Variants in MMP3 observed in about 807,000 individuals in gnomAD.
The protein encoded by MMP3 is matrix metallopeptidase 3, also known as stromelysin-1.
MMP3 carries 46 observed loss-of-function variants against 47.3 expected under a neutral mutation model. The observed-to-expected ratio is 0.97, with a 90% CI of 0.77 to 1.24. The LOEUF (loss-of-function observed/expected upper bound fraction) is 1.24, where lower values mean the gene tolerates loss of function less well. Among genes scored for constraint, MMP3 ranks in the 50% most tolerant of loss-of-function variants. MMP3 has a pLI of 0.00. For missense variants in MMP3, 558 were observed against 565.5 expected (o/e 0.99, Z 0.13); for synonymous variants, 216 against 206.5 (o/e 1.05, Z -0.39).
chr11:102,839,291 C>T, intron 6 of MMP3, 48 bp from the exon 7 acceptor site: 3 of 1,608,508 alleles, frequency 1.9e-6, no homozygotes, highest in Non-Finnish European at 2.6e-6. Context: ...AATCTTTCAC[C>T]TTTAGAATAT....
rs782382218 is a variant in MMP3 at position 102,839,229 on chromosome 11, T to C, written c.950A>G (p.Lys317Arg). 1.9e-6 allele frequency: 3 copies of C among 1,613,868 alleles called. No individual in the cohort carries two copies. The South Asian group carries it at 3.3e-5, about 18-fold the overall frequency. The change falls in exon 7 of 10, where the codon AAA becomes AGA. Residue 317 changes from lysine (K) to arginine (R), a missense_variant. Transcript: ENST00000299855. ...LIFKDRHFWR[K>R]SLRKLEPELH... ...TTCAGGTTCAAGCTTCCTGAGGGAT[T>C]TGCGCCAAAAGTGCCTAAAATATAT...
chr11:102,842,547 T>A lies in MMP3; in HGVS notation c.383A>T (p.Asp128Val). 6.2e-7 allele frequency: 1 copy of A among 1,613,374 alleles called. No homozygotes were observed. The highest frequency in any genetic ancestry group is 8.5e-7 in the Non-Finnish European group (1 of 1,179,784). ...IVNYTPDLPK[D>V]AVDSAVEKAL... ...TTTCTCAACAGCAGAATCAACAGCA[T>A]CTTTTGGCAAATCTGGTGTATAATT... The change falls in exon 3 of 10, where the codon GAT (aspartate) becomes GTT (valine). Residue 128 changes from aspartate to valine, a missense_variant. By Grantham distance (152) the Asp-to-Val change is radical. Coordinates refer to ENST00000299855, the MANE Select transcript of MMP3 (RefSeq NM_002422.5).
chr11:102,842,911 A>G lies in MMP3; in HGVS notation c.111T>C (p.Tyr37=), dbSNP rs782533626. 7 of 1,601,726 alleles carry G rather than the reference A, an allele frequency of 4.4e-6. No homozygotes were observed. The African/African-American group carries it at 5.4e-5, about 12-fold the overall frequency. The change falls in exon 2 of 10, where the codon TAT becomes TAC. Residue 37 remains tyrosine (Y), a synonymous_variant. Transcript: ENST00000299855. Reference sequence around the variant, plus strand: ...TTTTGAGGTCGTAGTAGTTTTCTAGATATTTCTAACAGAATAAGTATAGTT... The same window carrying G: ...TTTTGAGGTCGTAGTAGTTTTCTAGGTATTTCTAACAGAATAAGTATAGTT... The part of the protein sequence containing the change: ...EDTSMNLVQK[Y]LENYYDLKKD...
chr11:102,842,594 T>C lies in MMP3; in HGVS notation c.351-15A>G. 1 of 1,613,584 alleles carries C rather than the reference T, an allele frequency of 6.2e-7. No individual in the cohort carries two copies. Among genetic ancestry groups the C allele is most frequent in the African/African-American group, 1.3e-5 (1 of 74,978 alleles). ...AATTCACAATCCTGTAGGAGAAAAA[T>C]TGAAGCAGATGCTATTTTCTCCTAT... On this transcript the variant is annotated splice_polypyrimidine_tract_variant and intron_variant, in intron 2 of 9. Transcript: ENST00000299855.
chr11:102,837,544 A>T lies in MMP3; in HGVS notation c.1230-143T>A. ...GCCAAGCATATTTGGGACTATAGAA[A>T]TATGTGACTTTAATGGTACTGTAAA... On this transcript the variant is annotated intron_variant, in intron 8 of 9. Transcript: ENST00000299855. This position sits in a 1 kb window ranked among gnomAD's most constrained non-coding sequence, Gnocchi z 4.4. 5 of 643,310 alleles carry T rather than the reference A, an allele frequency of 7.8e-6. No homozygotes were observed. The South Asian group carries it at 8.1e-5, about 10-fold the overall frequency. 39.9% of individuals were successfully genotyped at this position (643,310 alleles called of 1,614,324 possible). A position where few individuals can be genotyped will look rare whatever the true frequency, so the allele number is the denominator to read the frequency against.
Position 102,836,264 on chromosome 11 carries a change from C to G in MMP3, c.1334-38G>C, listed in dbSNP as rs1555004534. 2.0e-6 allele frequency: 3 copies of G among 1,490,122 alleles called. No individual in the cohort carries two copies. In the South Asian group the frequency reaches 3.5e-5, roughly 17 times the overall value. The allele number at this position is 1,490,122 out of a possible 1,614,324, so 92.3% of individuals were successfully genotyped here. A position where few individuals can be genotyped will look rare whatever the true frequency, so the allele number is the denominator to read the frequency against. Reference sequence around the variant, plus strand: ...ACAAGGGAAATAGTAAGATATTTTTCCAAATAAAGACATTTGACAATATAC... The same window carrying G: ...ACAAGGGAAATAGTAAGATATTTTTGCAAATAAAGACATTTGACAATATAC... On this transcript the variant is annotated intron_variant, in intron 9 of 9. Transcript: ENST00000299855. This position sits in a 1 kb window ranked among gnomAD's most constrained non-coding sequence, Gnocchi z 4.6.
At position 102,842,404 on chromosome 11, in the gene MMP3, C is replaced by CTTTTTTTTTT. The variant is rs11418340; in HGVS notation, c.499+17_499+26dup. 264 of 813,302 alleles carry CTTTTTTTTTT rather than the reference C, an allele frequency of 3.2e-4. 9 individuals carry two copies. The highest frequency in any genetic ancestry group is 1.1e-3 in the South Asian group (39 of 36,128). 50.4% of individuals were successfully genotyped at this position (813,302 alleles called of 1,614,324 possible). A position where few individuals can be genotyped will look rare whatever the true frequency, so the allele number is the denominator to read the frequency against. ...GTGTTTTTTGTTTTGTTTTGTTTTG[C>CTTTTTTTTTT]TTTTTTTTTTTTTTTTTTTTTTTTA... On this transcript the variant is annotated intron_variant, in intron 3 of 9. Transcript: ENST00000299855.
In MMP3 at chr11:102,837,250, T is replaced by A; in HGVS notation, c.1333+48A>T. ...AATGCTCCTCTTCCCTCTGATATCA[T>A]AAAATGTTTCAAGTGCTCTATGGCC... On this transcript the variant is annotated intron_variant, in intron 9 of 9. Coordinates refer to ENST00000299855, the MANE Select transcript of MMP3 (RefSeq NM_002422.5). This position sits in a 1 kb window ranked among gnomAD's most constrained non-coding sequence, Gnocchi z 4.4. 1 of 1,419,876 alleles carries A rather than the reference T, an allele frequency of 7.0e-7. No individual in the cohort carries two copies. The allele number at this position is 1,419,876 out of a possible 1,614,324, so 88.0% of individuals were successfully genotyped here. A position where few individuals can be genotyped will look rare whatever the true frequency, so the allele number is the denominator to read the frequency against.
At chr11:102,839,075 T>C in intron 7 of MMP3, 35 bp downstream of exon 7, 1 of 1,596,416 alleles carries the variant, frequency 6.3e-7, no homozygotes, top group Non-Finnish European at 8.5e-7. Flanking sequence ...AGGGTTTACT[T>C]TGGCAAGTTA....
In MMP3 at chr11:102,842,531, A is replaced by C. The variant is rs1555005706; in HGVS notation, c.399T>G (p.Ala133=). 6.2e-7 allele frequency: 1 copy of C among 1,612,692 alleles called. No individual in the cohort carries two copies. Among genetic ancestry groups the C allele is most frequent in the Admixed American group, 1.7e-5 (1 of 59,810 alleles). ...PDLPKDAVDS[A]VEKALKVWEE... ...CCCAGACTTTCAGAGCTTTCTCAAC[A>C]GCAGAATCAACAGCATCTTTTGGCA... Residue 133 remains alanine, a synonymous_variant, in exon 3 of 10, where the codon GCT becomes GCG. Transcript: ENST00000299855.
chr11:102,838,648 T>A lies in MMP3; in HGVS notation c.1132A>T (p.Thr378Ser). ...CTCACGGTTGGAGGGAAACCTAGGG[T>A]GTGGATGCCTCTTGGGTATCCAGCT... ...VRAGYPRGIHTLGFPPTVRKI... is the reference protein window; with the variant it reads ...VRAGYPRGIHSLGFPPTVRKI... Residue 378 changes from threonine (T) to serine (S), a missense_variant, in exon 8 of 10, where the codon ACC becomes TCC. By Grantham distance (58) the Thr-to-Ser change is moderately conservative. Transcript: ENST00000299855. The A allele has an allele frequency of 6.2e-7, 1 of 1,614,004 alleles. No individual in the cohort carries two copies. Among genetic ancestry groups the A allele is most frequent in the South Asian group, 1.1e-5 (1 of 91,066 alleles).
intron 5 of MMP3, 26 bp from the exon 6 acceptor site, chr11:102,840,278 G>T (rs900625534): frequency 2.5e-6 from 4 of 1,609,122 alleles, no homozygotes; most frequent in Non-Finnish European, 3.4e-6. Flanking sequence ...GGGGAAATGT[G>T]ATACGTTTCA....
chr11:102,838,781 T>G, intron 7 of MMP3, 71 bp from the exon 8 acceptor site: 1 of 1,470,940 alleles, frequency 6.8e-7, no homozygotes, highest in Non-Finnish European at 9.2e-7. Flanking sequence ...AGAAATACAC[T>G]TTAGCATCTT....
intron 7 of MMP3, 67 bp downstream of exon 7, chr11:102,839,043 G>A: frequency 6.5e-7 from 1 of 1,538,914 alleles, no homozygotes; most frequent in East Asian, 2.3e-5. Context: ...GAAAATTAAA[G>A]TGTTGTTCAA....
At chr11:102,838,400 T>G (rs1485680016) in intron 8 of MMP3, 151 bp downstream of exon 8, 1 of 864,910 alleles carries the variant, frequency 1.2e-6, no homozygotes, top group Non-Finnish European at 1.8e-6. Context: ...TGCTGCTGTT[T>G]TAAAGTAAGA....
rs1555005083 is a variant in MMP3 at position 102,839,263 on chromosome 11, A to G, written c.936-20T>C. On this transcript the variant is annotated intron_variant, in intron 6 of 9. Transcript: ENST00000299855. ...AAGTGCCTAAAATATATGTAAAAAG[A>G]AATGTAAATTGAAAAACAATCTTTC... 3.7e-6 allele frequency: 6 copies of G among 1,612,714 alleles called. No individual in the cohort carries two copies. In the African/African-American group the frequency reaches 8.0e-5, roughly 22 times the overall value.
Position 102,836,294 on chromosome 11 carries a change from C to T in MMP3, c.1334-68G>A, listed in dbSNP as rs1858880196. 8.1e-6 allele frequency: 10 copies of T among 1,230,140 alleles called. No homozygotes were observed. The Admixed American group carries it at 1.1e-4, about 13-fold the overall frequency. The allele number at this position is 1,230,140 out of a possible 1,614,324, so 76.2% of individuals were successfully genotyped here. ...TAAAGACATTTGACAATATACAAAA[C>T]TCAGAATCATAGAGAACTAAAAATA... On this transcript the variant is annotated intron_variant, in intron 9 of 9. Coordinates refer to ENST00000299855, the MANE Select transcript of MMP3 (RefSeq NM_002422.5). The surrounding 1 kb of genome is among the most constrained non-coding windows in gnomAD (Gnocchi z 4.6).
rs558643778 is a variant in MMP3 at position 102,836,785 on chromosome 11, C to T, written c.1333+513G>A. On this transcript the variant is annotated intron_variant, in intron 9 of 9. Coordinates refer to ENST00000299855, the MANE Select transcript of MMP3 (RefSeq NM_002422.5). The surrounding 1 kb of genome is among the most constrained non-coding windows in gnomAD (Gnocchi z 4.6). ...CCACTTCCTTACCTTGAGTAGAAAA[C>T]AAAATCTTTTTTTTTTTTTAAACTT... 1 of 217,172 alleles carries T rather than the reference C, an allele frequency of 4.6e-6. No homozygotes were observed. The allele number at this position is 217,172 out of a possible 1,614,324, so 13.5% of individuals were successfully genotyped here. A position where few individuals can be genotyped will look rare whatever the true frequency, so the allele number is the denominator to read the frequency against.
rs782038929 is a variant in MMP3 at position 102,842,831 on chromosome 11, AT to A, written c.190del (p.Ile64SerfsTer12). On this transcript the variant is annotated frameshift_variant, in exon 2 of 10. Coordinates refer to ENST00000299855, the MANE Select transcript of MMP3 (RefSeq NM_002422.5). LOFTEE classifies it high-confidence loss of function. ...RKDSGPVVKK[I>X]REMQKFLGLE... is the part of the protein sequence containing the mutation. ...TCCAAGGAACTTCTGCATTTCTCGG[AT>A]TTTTTTAACAACAGGACCACTGTCC... 8.7e-6 allele frequency: 14 copies of A among 1,613,788 alleles called. No individual in the cohort carries two copies. Among genetic ancestry groups the A allele is most frequent in the African/African-American group, 8.0e-5 (6 of 74,996 alleles).
Sources: allele counts gnomAD v4.1 joint callset, GRCh38; gene constraint gnomAD v4.1.1; non-coding constraint Gnocchi (gnomAD v3.1); transcripts MANE v1.5; gene names NCBI Gene and HGNC (gene_info 2026-07-23, HGNC 2026-07-21).